CDYL2: variants seen among roughly 807,000 people sequenced by gnomAD.
The protein encoded by CDYL2 is chromodomain Y like 2, also known as chromodomain Y-like protein 2.
In CDYL2, 23 loss-of-function variants were observed where a neutral mutation model predicts 49.4. The ratio of observed to expected loss-of-function variants is 0.47; its 90% CI spans 0.34 to 0.66. The LOEUF is 0.66. Ranked by LOEUF, CDYL2 falls within the 30% of genes least tolerant of loss-of-function variation. CDYL2 has a pLI of 0.01. For missense variants in CDYL2, 678 were observed against 656.4 expected (o/e 1.03, Z -0.36); for synonymous variants, 360 against 268.8 (o/e 1.34, Z -3.32).
intron 4 of CDYL2, among the ~76,000 whole-genome samples, chr16:80,614,603 C>T (rs138215364): frequency 8.9e-4 from 136 of 152,308 alleles, no homozygotes; most frequent in Middle Eastern, 3.4e-3. Flanking sequence ...TGGTCATTCA[C>T]GCCTGTAATC....
intron 2 of CDYL2, among the ~76,000 whole-genome samples, chr16:80,666,144 G>T (rs1486902806): frequency 6.6e-6 from 1 of 152,128 alleles, no homozygotes; most frequent in Non-Finnish European, 1.5e-5. Context: ...GAAAAGTGAG[G>T]CTCAAAAGCT....
intron 2 of CDYL2, among the ~76,000 whole-genome samples, chr16:80,674,887 T>C (rs1332250447): frequency 1.1e-4 from 16 of 152,216 alleles, no homozygotes; most frequent in Non-Finnish European, 1.6e-4. Flanking sequence ...ACTTTGACAA[T>C]TGAGGGAGTC....
chr16:80,612,979 A>G lies in CDYL2; in HGVS notation c.1008-143T>C, dbSNP rs2142366098. On this transcript the variant is annotated intron_variant, in intron 4 of 6. Coordinates refer to ENST00000570137, the MANE Select transcript of CDYL2 (RefSeq NM_152342.4). The surrounding 1 kb of genome is among the most constrained non-coding windows in gnomAD (Gnocchi z 5.0). ...GCCAGGCAAGGGCCTCATTGCCTGG[A>G]CATGGAACCACCAGCTGTCAGATTT... The G allele has an allele frequency of 4.5e-6, 3 of 665,872 alleles. No individual in the cohort carries two copies. The South Asian group carries it at 6.3e-5, about 14-fold the overall frequency. 41.2% of individuals were successfully genotyped at this position (665,872 alleles called of 1,614,324 possible). A position where few individuals can be genotyped will look rare whatever the true frequency, so the allele number is the denominator to read the frequency against.
chr16:80,603,987 G>C lies in CDYL2; in HGVS notation c.*401C>G, dbSNP rs904853012. The C allele has an allele frequency of 1.6e-5, 3 of 188,958 alleles. No individual in the cohort carries two copies. The highest frequency in any genetic ancestry group is 7.0e-5 in the African/African-American group (3 of 42,948). 11.7% of individuals were successfully genotyped at this position (188,958 alleles called of 1,614,324 possible). On this transcript the variant is annotated 3_prime_UTR_variant, in exon 7 of 7. Transcript: ENST00000570137. ...CTGACACCCGATCTAAATACAACCA[G>C]AGAGAGCCATGATGGCCAAGTCTCC...
intron 1 of CDYL2, among the ~76,000 whole-genome samples, chr16:80,712,198 T>TAC (rs1904639132): frequency 4.2e-5 from 5 of 120,424 alleles, no homozygotes; most frequent in African/African-American, 1.3e-4. Context: ...TGTGTATATA[T>TAC]ATATATATAT....
intron 1 of CDYL2, among the ~76,000 whole-genome samples, chr16:80,721,491 C>T (rs918832526): frequency 1.3e-5 from 2 of 152,226 alleles, no homozygotes; most frequent in Non-Finnish European, 2.9e-5. Flanking sequence ...GGGAGAGTGG[C>T]GATCATGACT....
At chr16:80,696,355 G>A (rs764021273) in intron 1 of CDYL2, among the ~76,000 whole-genome samples, 19 of 151,768 alleles carry the variant, frequency 1.3e-4, no homozygotes, top group African/African-American at 1.9e-4. Context: ...AGAAAAAACC[G>A]AACTCAATAG....
At chr16:80,716,545 T>C (rs1454284630) in intron 1 of CDYL2, among the ~76,000 whole-genome samples, 3 of 151,688 alleles carry the variant, frequency 2.0e-5, no homozygotes, top group African/African-American at 7.3e-5. Context: ...AATAGATGAC[T>C]AAATGGATGA....
intron 2 of CDYL2, among the ~76,000 whole-genome samples, chr16:80,638,986 T>G (rs1907962270): frequency 6.6e-6 from 1 of 151,936 alleles, no homozygotes; most frequent in African/African-American, 2.4e-5. Flanking sequence ...AAATTGGACA[T>G]TACAAAGAAC....
Position 80,601,804 on chromosome 16 carries a change from C to T in CDYL2, c.*2584G>A, listed in dbSNP as rs1489751203. The T allele has an allele frequency of 1.3e-5, 2 of 152,196 alleles. No homozygotes were observed. The highest frequency in any genetic ancestry group is 1.9e-4 in the East Asian group (1 of 5,184). The allele number at this position is 152,196 out of a possible 1,614,324, so 9.4% of individuals were successfully genotyped here. Reference sequence around the variant, plus strand: ...ACAGACTTTCACCACCCCCGTTACACCCAGGACCTGTGACTTAACAGCAAG... The same window carrying T: ...ACAGACTTTCACCACCCCCGTTACATCCAGGACCTGTGACTTAACAGCAAG... On this transcript the variant is annotated 3_prime_UTR_variant, in exon 7 of 7. Coordinates refer to ENST00000570137, the MANE Select transcript of CDYL2 (RefSeq NM_152342.4).
intron 2 of CDYL2, among the ~76,000 whole-genome samples, chr16:80,660,478 G>C (rs893201596): frequency 1.3e-5 from 2 of 152,048 alleles, no homozygotes; most frequent in African/African-American, 2.4e-5. Context: ...GCTAGCTTCT[G>C]AGTCAGCCCA....
chr16:80,625,428 C>A (rs1021805811), intron 3 of CDYL2, among the ~76,000 whole-genome samples: 1 of 152,194 alleles, frequency 6.6e-6, no homozygotes, highest in Non-Finnish European at 1.5e-5. Flanking sequence ...TCCAGGTAGT[C>A]TAGAATACTC....
At chr16:80,778,996 T>G (rs1040439337) in intron 1 of CDYL2, among the ~76,000 whole-genome samples, 6 of 151,978 alleles carry the variant, frequency 3.9e-5, no homozygotes, top group African/African-American at 1.4e-4. Flanking sequence ...AAATTTCCAC[T>G]AAAATGGGCA....
At chr16:80,618,071 C>T (rs1177260034) in intron 4 of CDYL2, among the ~76,000 whole-genome samples, 1 of 152,188 alleles carries the variant, frequency 6.6e-6, no homozygotes, top group Non-Finnish European at 1.5e-5. Context: ...CTTTCCCACG[C>T]CCCCATCCTT....
intron 1 of CDYL2, among the ~76,000 whole-genome samples, chr16:80,720,362 C>T (rs1024744325): frequency 6.6e-6 from 1 of 152,192 alleles, no homozygotes. Context: ...GATTTGATGT[C>T]AATCCCTGCC....
chr16:80,667,267 C>T (rs192691664), intron 2 of CDYL2, among the ~76,000 whole-genome samples: 7 of 152,228 alleles, frequency 4.6e-5, no homozygotes, highest in Non-Finnish European at 8.8e-5. Context: ...CCTGACTACC[C>T]GAGGAATTCC....
At chr16:80,746,677 C>T (rs1905941693) in intron 1 of CDYL2, among the ~76,000 whole-genome samples, 1 of 152,146 alleles carries the variant, frequency 6.6e-6, no homozygotes, top group South Asian at 2.1e-4. Flanking sequence ...TACCAGGTAG[C>T]TTAGAAGGCC....
At chr16:80,710,022 GT>G (rs1904541147) in intron 1 of CDYL2, among the ~76,000 whole-genome samples, 1 of 151,412 alleles carries the variant, frequency 6.6e-6, no homozygotes, top group East Asian at 1.9e-4. Context: ...CCGCCTTCCT[GT>G]TTCAAGTGAT....
At chr16:80,692,244 G>C (rs1910446367) in intron 1 of CDYL2, among the ~76,000 whole-genome samples, 1 of 152,184 alleles carries the variant, frequency 6.6e-6, no homozygotes, top group Admixed American at 6.5e-5. Context: ...TCCATGCAAA[G>C]CTTCTTCATT....
Sources: allele counts gnomAD v4.1 joint callset (sites outside exome capture counted in the v4.1 genomes callset), GRCh38; gene constraint gnomAD v4.1.1; non-coding constraint Gnocchi (gnomAD v3.1); transcripts MANE v1.5; gene names NCBI Gene and HGNC (gene_info 2026-07-23, HGNC 2026-07-21).